ATP11A: variants seen among roughly 807,000 people sequenced by gnomAD.
The protein encoded by ATP11A is phospholipid-transporting ATPase IH.
In ATP11A, 81 loss-of-function variants were observed where a neutral mutation model predicts 154.4. The ratio of observed to expected loss-of-function variants is 0.52; its 90% CI spans 0.44 to 0.63. ATP11A has a LOEUF of 0.63. Ranked by LOEUF, ATP11A falls within the 30% of genes least tolerant of loss-of-function variation. The pLI, the probability that ATP11A is intolerant of heterozygous loss-of-function variation, is 0.00. For synonymous variants in ATP11A, 623 were observed against 585.9 expected (o/e 1.06, Z -0.91); for missense variants, 1,316 against 1,474.3 (o/e 0.89, Z 1.76).
intron 1 of ATP11A, among the ~76,000 whole-genome samples, chr13:112,708,014 A>T (rs1401893891): frequency 6.6e-6 from 1 of 152,226 alleles, no homozygotes; most frequent in Non-Finnish European, 1.5e-5. Flanking sequence ...GAAGGGCCCA[A>T]TTCTTCTCCA....
At chr13:112,744,277 G>C (rs1169279211) in intron 1 of ATP11A, among the ~76,000 whole-genome samples, 2 of 150,712 alleles carry the variant, frequency 1.3e-5, no homozygotes, top group East Asian at 3.9e-4. Context: ...CACCCGGCTT[G>C]GGACGGTCTG....
chr13:112,735,149 G>A (rs1022969376), intron 1 of ATP11A, among the ~76,000 whole-genome samples: 2 of 152,152 alleles, frequency 1.3e-5, no homozygotes, highest in Admixed American at 6.5e-5. Context: ...CTAATAAAAG[G>A]CACTCCATAG....
chr13:112,846,057 T>C (rs2079599026), intron 17 of ATP11A, among the ~76,000 whole-genome samples: 1 of 152,212 alleles, frequency 6.6e-6, no homozygotes, highest in Admixed American at 6.5e-5. Flanking sequence ...CTGGGGACCC[T>C]CCTGTCAGAG....
chr13:112,702,289 T>A (rs540185003), intron 1 of ATP11A, among the ~76,000 whole-genome samples: 106 of 143,612 alleles, frequency 7.4e-4, no homozygotes, highest in African/African-American at 2.7e-3. Flanking sequence ...GAGGTTGCAG[T>A]GAGCCGAGAT....
At chr13:112,803,774 C>T (rs1462843733) in intron 2 of ATP11A, among the ~76,000 whole-genome samples, 1 of 94,026 alleles carries the variant, frequency 1.1e-5, no homozygotes, top group Non-Finnish European at 2.1e-5. Flanking sequence ...TCCCTCCTTC[C>T]TCTCCCTCCC....
chr13:112,769,610 C>T (rs1247826315), intron 1 of ATP11A, among the ~76,000 whole-genome samples: 1 of 152,224 alleles, frequency 6.6e-6, no homozygotes, highest in Non-Finnish European at 1.5e-5. Context: ...TCGACACCAC[C>T]CTGGTTTTCC....
intron 1 of ATP11A, among the ~76,000 whole-genome samples, chr13:112,741,490 A>G (rs1286177554): frequency 1.3e-5 from 2 of 152,168 alleles, no homozygotes; most frequent in East Asian, 1.9e-4. Context: ...GCAGAGAACA[A>G]TGGTCCAGCA....
At chr13:112,825,699 T>C (rs2078915790) in intron 11 of ATP11A, 119 bp downstream of exon 11, 1 of 1,220,578 alleles carries the variant, frequency 8.2e-7, no homozygotes, top group Non-Finnish European at 1.1e-6. Flanking sequence ...GCTTGATTGA[T>C]TCAGTCTCTG....
intron 1 of ATP11A, among the ~76,000 whole-genome samples, chr13:112,715,849 A>G (rs950219622): frequency 1.3e-5 from 2 of 151,350 alleles, no homozygotes; most frequent in African/African-American, 4.9e-5. Context: ...GGGCCGGGGA[A>G]GGTGTTTGCC....
intron 29 of ATP11A, 49 bp from the exon 30 acceptor site, chr13:112,881,827 A>G (rs2080893369): frequency 7.3e-7 from 1 of 1,367,536 alleles, no homozygotes; most frequent in Non-Finnish European, 9.8e-7. Context: ...ATGGGTGCGC[A>G]CAGCCTCGGG....
At chr13:112,827,631 C>T (rs995455420) in intron 12 of ATP11A, among the ~76,000 whole-genome samples, 5 of 152,212 alleles carry the variant, frequency 3.3e-5, no homozygotes, top group Non-Finnish European at 5.9e-5. Context: ...GCAGGGTTGC[C>T]GGAGCAGGTA....
At chr13:112,874,410 G>C (rs189530771) in intron 27 of ATP11A, among the ~76,000 whole-genome samples, 1 of 152,334 alleles carries the variant, frequency 6.6e-6, no homozygotes, top group East Asian at 1.9e-4. Flanking sequence ...AAAACCCCAC[G>C]GTGGCTGCGT....
At chr13:112,731,677 G>A (rs536617588) in intron 1 of ATP11A, among the ~76,000 whole-genome samples, 4 of 152,278 alleles carry the variant, frequency 2.6e-5, no homozygotes, top group African/African-American at 9.6e-5. Context: ...TGTCACTTAT[G>A]TTCATGGCTG....
intron 1 of ATP11A, among the ~76,000 whole-genome samples, chr13:112,698,509 T>C (rs936078676): frequency 9.9e-5 from 15 of 152,114 alleles, no homozygotes; most frequent in African/African-American, 3.4e-4. Flanking sequence ...TTATTACATA[T>C]CCTGAGAAGG....
intron 25 of ATP11A, among the ~76,000 whole-genome samples, chr13:112,863,354 CG>C (rs2080187173): frequency 1.5e-5 from 2 of 133,834 alleles, no homozygotes; most frequent in African/African-American, 5.6e-5. Flanking sequence ...TCACCACCTG[CG>C]CAGTAATTCA....
chr13:112,715,771 G>C (rs1010829199), intron 1 of ATP11A, among the ~76,000 whole-genome samples: 1 of 151,886 alleles, frequency 6.6e-6, no homozygotes, highest in Non-Finnish European at 1.5e-5. Flanking sequence ...ATTCGCACCT[G>C]TTTCTGTGTT....
At chr13:112,714,531 G>A (rs1017820140) in intron 1 of ATP11A, among the ~76,000 whole-genome samples, 3 of 152,160 alleles carry the variant, frequency 2.0e-5, no homozygotes, top group Non-Finnish European at 2.9e-5. Flanking sequence ...GAGAGGTGGC[G>A]TCTCCACTCC....
At chr13:112,748,888 A>G (rs769313286) in intron 1 of ATP11A, among the ~76,000 whole-genome samples, 2 of 152,230 alleles carry the variant, frequency 1.3e-5, no homozygotes, top group Non-Finnish European at 2.9e-5. Context: ...AGGTCATGCC[A>G]GTGTCCTTAA....
chr13:112,751,486 C>G (rs543357652), intron 1 of ATP11A, among the ~76,000 whole-genome samples: 1 of 152,034 alleles, frequency 6.6e-6, no homozygotes, highest in East Asian at 1.9e-4. Flanking sequence ...ATGGTGAAAC[C>G]CCATCTCTAT....
Sources: allele counts gnomAD v4.1 joint callset (sites outside exome capture counted in the v4.1 genomes callset), GRCh38; gene constraint gnomAD v4.1.1; transcripts MANE v1.5; gene names NCBI Gene and HGNC (gene_info 2026-07-23, HGNC 2026-07-21).